Variants in GRID2 observed in about 807,000 individuals in gnomAD.
The protein encoded by GRID2 is glutamate ionotropic receptor delta type subunit 2.
Under a neutral mutation model 114.8 loss-of-function variants are expected in GRID2, and 33 were observed. That is an observed-to-expected ratio of 0.29 (90% CI 0.22 to 0.38). The LOEUF is 0.38. GRID2 is among the 10% of genes least tolerant of loss of function. The pLI, the probability that GRID2 is intolerant of heterozygous loss-of-function variation, is 1.00. For synonymous variants in GRID2, 505 were observed against 449.9 expected, an observed-to-expected ratio of 1.12 and a Z score of -1.55; for missense variants, 1,184 against 1,257.7, an observed-to-expected ratio of 0.94 and a Z score of 0.89.
chr4:92,580,587 T>G (rs1304506670), intron 1 of GRID2, among the ~76,000 whole-genome samples: 2 of 150,194 alleles, frequency 1.3e-5, no homozygotes, highest in Admixed American at 6.7e-5. Context: ...AAAATTAGAA[T>G]TTTTACTCTG....
Position 92,431,836 on chromosome 4 carries a change from T to C in GRID2, c.88+127092T>C, listed in dbSNP as rs537354845. On this transcript the variant is annotated intron_variant, in intron 1 of 15. Transcript: ENST00000282020. ...GAAGAGTTAGGTATTTATTGTAGTGTTCACAGTTTATGCTTGTTTGTACCC... is the reference window on the plus strand; with the variant it reads ...GAAGAGTTAGGTATTTATTGTAGTGCTCACAGTTTATGCTTGTTTGTACCC... 2.0e-5 allele frequency among the ~76,000 whole-genome samples: 3 copies of C among 152,344 alleles called. No individual in the cohort carries two copies. In the South Asian group the frequency reaches 6.2e-4, roughly 32 times the overall value.
chr4:93,656,829 C>CAAAAAAAAAAAAA (rs61508444), intron 14 of GRID2, among the ~76,000 whole-genome samples: 12 of 31,914 alleles, frequency 3.8e-4, no homozygotes, highest in Middle Eastern at 0.026. Context: ...GACTCTGCCT[C>CAAAAAAAAAAAAA]AAAAAAAAAA....
At chr4:93,489,941 TG>T (rs1289626211) in intron 11 of GRID2, among the ~76,000 whole-genome samples, 1 of 151,886 alleles carries the variant, frequency 6.6e-6, no homozygotes, top group Non-Finnish European at 1.5e-5. Context: ...GGGCTAGAAA[TG>T]TAAATTCTAG....
chr4:92,966,274 TA>T (rs1156998836), intron 2 of GRID2, among the ~76,000 whole-genome samples: 5 of 151,854 alleles, frequency 3.3e-5, no homozygotes. Context: ...GTAGTTGCCT[TA>T]TAAGGTATAA....
At chr4:92,869,838 C>G (rs751551748) in intron 2 of GRID2, among the ~76,000 whole-genome samples, 2 of 152,100 alleles carry the variant, frequency 1.3e-5, no homozygotes, top group Non-Finnish European at 2.9e-5. Context: ...TTCAAAGAAG[C>G]CTTCCAGACC....
chr4:93,284,493 C>G (rs182792105), intron 8 of GRID2, among the ~76,000 whole-genome samples: 1 of 151,634 alleles, frequency 6.6e-6, no homozygotes, highest in Admixed American at 6.6e-5. Flanking sequence ...GCACATGTAC[C>G]CCTGAACTTA....
chr4:93,148,234 T>A (rs1339547782), intron 4 of GRID2, among the ~76,000 whole-genome samples: 1 of 152,126 alleles, frequency 6.6e-6, no homozygotes, highest in African/African-American at 2.4e-5. Flanking sequence ...AATAAGTGAG[T>A]TAACTTTTCT....
chr4:93,452,895 T>G (rs1722817984), intron 10 of GRID2, among the ~76,000 whole-genome samples: 1 of 152,076 alleles, frequency 6.6e-6, no homozygotes, highest in African/African-American at 2.4e-5. Context: ...TTGGCCTTTT[T>G]TTTTTTATTA....
At chr4:92,488,617 C>T (rs1252809731) in intron 1 of GRID2, among the ~76,000 whole-genome samples, 1 of 152,088 alleles carries the variant, frequency 6.6e-6, no homozygotes, top group Non-Finnish European at 1.5e-5. Flanking sequence ...CAAAATGTAA[C>T]CAAAAACCCT....
chr4:93,683,192 C>A (rs958111561), intron 14 of GRID2, among the ~76,000 whole-genome samples: 2 of 151,880 alleles, frequency 1.3e-5, no homozygotes, highest in African/African-American at 4.8e-5. Context: ...TTTGAATTGT[C>A]CACCATTTCC....
At chr4:93,685,951 G>A (rs1578569458) in intron 14 of GRID2, among the ~76,000 whole-genome samples, 1 of 152,016 alleles carries the variant, frequency 6.6e-6, no homozygotes, top group African/African-American at 2.4e-5. Flanking sequence ...GAGATACAGT[G>A]TCTGACATAA....
At chr4:93,561,028 T>C (rs1734875271) in intron 13 of GRID2, among the ~76,000 whole-genome samples, 1 of 152,128 alleles carries the variant, frequency 6.6e-6, no homozygotes, top group South Asian at 2.1e-4. Context: ...TTAGGTTTTC[T>C]CTGAGCATTT....
chr4:93,253,058 G>T (rs1749154312), intron 8 of GRID2, among the ~76,000 whole-genome samples: 2 of 149,896 alleles, frequency 1.3e-5, no homozygotes, highest in Admixed American at 6.7e-5. Context: ...GACCATCCTG[G>T]CTAACACGGT....
intron 3 of GRID2, among the ~76,000 whole-genome samples, chr4:93,093,928 G>T (rs149379082): frequency 6.6e-6 from 1 of 152,008 alleles, no homozygotes; most frequent in East Asian, 1.9e-4. Context: ...CTACTATCAA[G>T]TTCAACCAAG....
intron 8 of GRID2, among the ~76,000 whole-genome samples, chr4:93,350,291 A>G (rs923335958): frequency 6.6e-6 from 1 of 152,048 alleles, no homozygotes; most frequent in East Asian, 1.9e-4. Context: ...CTCCCCAATC[A>G]CTTCAACAGA....
chr4:92,942,540 C>G (rs923479220), intron 2 of GRID2, among the ~76,000 whole-genome samples: 14 of 152,238 alleles, frequency 9.2e-5, no homozygotes, highest in East Asian at 3.9e-4. Flanking sequence ...CAGACTGTGT[C>G]TTTTAATTGG....
intron 1 of GRID2, among the ~76,000 whole-genome samples, chr4:92,403,545 A>G (rs1730886943): frequency 6.6e-6 from 1 of 151,936 alleles, no homozygotes; most frequent in African/African-American, 2.4e-5. Context: ...AAAATAAATT[A>G]GCTGGGCGTG....
chr4:93,145,994 A>C, intron 4 of GRID2, among the ~76,000 whole-genome samples: 1 of 152,086 alleles, frequency 6.6e-6, no homozygotes, highest in East Asian at 1.9e-4. Flanking sequence ...ACAAAGGTAT[A>C]TATATACACA....
chr4:92,704,065 A>G (rs1734815957), intron 2 of GRID2, among the ~76,000 whole-genome samples: 1 of 152,028 alleles, frequency 6.6e-6, no homozygotes, highest in Non-Finnish European at 1.5e-5. Flanking sequence ...TCACGAGGTC[A>G]GGAGATCGAC....
Sources: gnomAD v4.1 joint callset for allele counts (sites outside exome capture counted in the v4.1 genomes callset) on GRCh38, gnomAD v4.1.1 for gene constraint, MANE v1.5 for transcripts, NCBI Gene and HGNC (gene_info 2026-07-23, HGNC 2026-07-21) for gene names.